The following CTNNA3 variants were observed in gnomAD, a reference collection of about 807,000 sequenced individuals.
The protein encoded by CTNNA3 is catenin alpha 3.
CTNNA3 carries 76 observed loss-of-function variants against 95.7 expected under a neutral mutation model. The observed-to-expected ratio is 0.79, with a 90% CI of 0.66 to 0.96. The LOEUF (loss-of-function observed/expected upper bound fraction) is 0.96. CTNNA3 is among the 40% of genes least tolerant of loss of function. The pLI, the probability that CTNNA3 is intolerant of heterozygous loss-of-function variation, is 0.00. For missense variants in CTNNA3, 1,191 were observed against 1,089.8 expected (o/e 1.09, Z -1.31); for synonymous variants, 431 against 374.4 (o/e 1.15, Z -1.74).
rs190802629 is a variant in CTNNA3 at position 67,208,357 on chromosome 10, T to G, written c.843+11250A>C. 1.9e-3 allele frequency among the ~76,000 whole-genome samples: 249 copies of G among 133,418 alleles called. 1 individual carries two copies. Among genetic ancestry groups the G allele is most frequent in the African/African-American group, 3.5e-3 (120 of 33,964 alleles). The allele number at this position is 133,418 out of a possible 152,430, so 87.5% of individuals were successfully genotyped here. On this transcript the variant is annotated intron_variant, in intron 6 of 17. Coordinates refer to ENST00000433211, the MANE Select transcript of CTNNA3 (RefSeq NM_013266.4). ...TCGTGCCACTGCACTCCAGCCTGGG[T>G]GACAGAGCAAGACTCTGTCTCAAAA...
rs1450063387 is a variant in CTNNA3, at chr10:66,766,443, T to A, written c.1129-27A>T. On this transcript the variant is annotated intron_variant, in intron 8 of 17. Coordinates refer to ENST00000433211, the MANE Select transcript of CTNNA3 (RefSeq NM_013266.4). ...TGAGAAGAAATGAAAAATTCAGGTT[T>A]TTTTTTTCCAGGAAATAGTTCACTG... The A allele has an allele frequency of 5.7e-6, 9 of 1,576,850 alleles. No individual in the cohort carries two copies. In the South Asian group the frequency reaches 8.2e-5, roughly 14 times the overall value.
intron 10 of CTNNA3, among the ~76,000 whole-genome samples, chr10:66,560,969 A>C (rs1842535904): frequency 6.6e-6 from 1 of 152,064 alleles, no homozygotes; most frequent in South Asian, 2.1e-4. Flanking sequence ...CCTTGATCTT[A>C]AACTTCCCAG....
chr10:66,663,021 C>T (rs1846316782), intron 9 of CTNNA3, among the ~76,000 whole-genome samples: 2 of 152,088 alleles, frequency 1.3e-5, no homozygotes, highest in Admixed American at 1.3e-4. Flanking sequence ...TTGCTTCTGT[C>T]TAATTTACCA....
intron 13 of CTNNA3, among the ~76,000 whole-genome samples, chr10:66,104,446 A>C (rs536172109): frequency 6.6e-6 from 1 of 152,106 alleles, no homozygotes; most frequent in South Asian, 2.1e-4. Flanking sequence ...AACTTAATAT[A>C]TTTTTTTTAT....
chr10:66,913,706 AG>A (rs1258328466), intron 7 of CTNNA3, among the ~76,000 whole-genome samples: 2 of 152,204 alleles, frequency 1.3e-5, no homozygotes, highest in African/African-American at 4.8e-5. Flanking sequence ...CACCAGAAGT[AG>A]GGGTCACAAA....
intron 9 of CTNNA3, among the ~76,000 whole-genome samples, chr10:66,748,066 C>T (rs769748936): frequency 2.0e-5 from 3 of 152,066 alleles, no homozygotes; most frequent in Non-Finnish European, 4.4e-5. Flanking sequence ...CAGTCCTTAC[C>T]ACAGAGCTCA....
chr10:67,561,844 G>A (rs143394885), intron 3 of CTNNA3, among the ~76,000 whole-genome samples: 3,316 of 152,272 alleles, frequency 0.022, 159 homozygotes, highest in African/African-American at 0.075. Flanking sequence ...ACTACCATCA[G>A]AGAATACTAT....
At chr10:66,057,252 C>T (rs2080105990) in intron 15 of CTNNA3, among the ~76,000 whole-genome samples, 2 of 152,114 alleles carry the variant, frequency 1.3e-5, no homozygotes, top group Admixed American at 1.3e-4. Context: ...TTTATTCCCA[C>T]ATTTTTGTAT....
chr10:66,108,606 T>C (rs1283304315), intron 13 of CTNNA3, among the ~76,000 whole-genome samples: 1 of 152,184 alleles, frequency 6.6e-6, no homozygotes, highest in African/African-American at 2.4e-5. Context: ...CTCTTCATTT[T>C]TTTCCTTTTT....
chr10:65,982,275 T>C (rs945472705), intron 16 of CTNNA3, among the ~76,000 whole-genome samples: 1 of 148,496 alleles, frequency 6.7e-6, no homozygotes, highest in African/African-American at 2.5e-5. Context: ...ATCGGGGAAA[T>C]GCAAATCAAA....
chr10:66,687,498 T>G (rs1366835225), intron 9 of CTNNA3, among the ~76,000 whole-genome samples: 1 of 152,170 alleles, frequency 6.6e-6, no homozygotes, highest in Admixed American at 6.5e-5. Context: ...TTTTGTTTAC[T>G]AATATATACC....
intron 12 of CTNNA3, among the ~76,000 whole-genome samples, chr10:66,351,339 A>C (rs1373463850): frequency 6.6e-6 from 1 of 152,056 alleles, no homozygotes; most frequent in African/African-American, 2.4e-5. Flanking sequence ...AATTTTTCAG[A>C]TAAGAAGACT....
intron 5 of CTNNA3, among the ~76,000 whole-genome samples, chr10:67,225,266 A>T (rs766086190): frequency 6.6e-6 from 1 of 152,106 alleles, no homozygotes; most frequent in Admixed American, 6.5e-5. Context: ...CTCTGTCCCT[A>T]TTTGATGGTC....
intron 7 of CTNNA3, among the ~76,000 whole-genome samples, chr10:66,844,940 G>A (rs186193974): frequency 0.083 from 10,622 of 128,188 alleles, 395 homozygotes; most frequent in African/African-American, 0.13. Context: ...GAACATGTTG[G>A]GTGGTATAGA....
At chr10:66,997,424 A>G (rs757609972) in intron 7 of CTNNA3, among the ~76,000 whole-genome samples, 8 of 152,214 alleles carry the variant, frequency 5.3e-5, no homozygotes, top group Non-Finnish European at 1.2e-4. Flanking sequence ...CTAGCACTTT[A>G]AGCATGATTT....
At chr10:67,023,933 T>A (rs1168104451) in intron 7 of CTNNA3, among the ~76,000 whole-genome samples, 4 of 152,214 alleles carry the variant, frequency 2.6e-5, no homozygotes, top group Non-Finnish European at 5.9e-5. Context: ...CTAGATAATT[T>A]CTAGGATTAT....
chr10:65,970,925 T>G (rs2133269972), intron 16 of CTNNA3, among the ~76,000 whole-genome samples: 1 of 151,104 alleles, frequency 6.6e-6, no homozygotes, highest in South Asian at 2.1e-4. Context: ...ACGATAATGT[T>G]GAGGAACTTC....
At chr10:66,600,750 T>C (rs1271290148) in intron 10 of CTNNA3, among the ~76,000 whole-genome samples, 1 of 151,844 alleles carries the variant, frequency 6.6e-6, no homozygotes, top group African/African-American at 2.4e-5. Flanking sequence ...TCCTTTCTAA[T>C]GGAGCTAAGG....
intron 3 of CTNNA3, among the ~76,000 whole-genome samples, chr10:67,577,140 C>CA (rs1461604024): frequency 1.1e-4 from 16 of 151,224 alleles, no homozygotes; most frequent in Non-Finnish European, 2.1e-4. Flanking sequence ...CTGACTTCCA[C>CA]AATGGTTGAA....
Sources: allele counts gnomAD v4.1 joint callset (sites outside exome capture counted in the v4.1 genomes callset), GRCh38; gene constraint gnomAD v4.1.1; transcripts MANE v1.5; gene names NCBI Gene and HGNC (gene_info 2026-07-23, HGNC 2026-07-21).